Variants in PKP4 observed in about 807,000 individuals in gnomAD.
PKP4 encodes plakophilin-4.
In PKP4, 90 loss-of-function variants were observed where a neutral mutation model predicts 145.1. The ratio of observed to expected loss-of-function variants is 0.62; its 90% CI spans 0.52 to 0.74. The LOEUF is 0.74. Among genes scored for constraint, PKP4 ranks in the 30% least tolerant of loss-of-function variants. PKP4 has a pLI of 0.00. For missense variants in PKP4, 1,340 were observed against 1,482.7 expected, an observed-to-expected ratio of 0.90 and a Z score of 1.58; for synonymous variants, 563 against 577.2, an observed-to-expected ratio of 0.98 and a Z score of 0.35.
intron 1 of PKP4, among the ~76,000 whole-genome samples, chr2:158,495,042 C>A (rs572536747): frequency 9.6e-4 from 146 of 151,430 alleles, no homozygotes; most frequent in African/African-American, 3.3e-3. Flanking sequence ...CATAGTGAAA[C>A]CCCATCTCTA....
At chr2:158,531,947 C>A (rs1204539014) in intron 1 of PKP4, among the ~76,000 whole-genome samples, 1 of 152,194 alleles carries the variant, frequency 6.6e-6, no homozygotes, top group Non-Finnish European at 1.5e-5. Context: ...AAGAATAAAA[C>A]AACCACCAGC....
Position 158,634,108 on chromosome 2 carries a change from A to G in PKP4, c.1381A>G (p.Ser461Gly), listed in dbSNP as rs2053617310. 6.2e-7 allele frequency: 1 copy of G among 1,613,810 alleles called. No individual in the cohort carries two copies. Among genetic ancestry groups the G allele is most frequent in the Non-Finnish European group, 8.5e-7 (1 of 1,179,768 alleles). ...TCTACAAAGGACATCCAGCCAACGA[A>G]GTACCCTTACATACCAAAGAAATAA... ...GNLQRTSSQR[S>G]TLTYQRNNYA... is the part of the protein sequence containing the mutation. Residue 461 changes from serine (S) to glycine (G), a missense_variant, in exon 9 of 22, where the codon AGT becomes GGT. Transcript: ENST00000389759.
chr2:158,461,001 C>T (rs1317549018), intron 1 of PKP4, among the ~76,000 whole-genome samples: 1 of 152,152 alleles, frequency 6.6e-6, no homozygotes, highest in East Asian at 1.9e-4. Context: ...TGTAAGCTTT[C>T]ATTCTTACAT....
At chr2:158,580,267 G>A (rs1178626366) in intron 3 of PKP4, among the ~76,000 whole-genome samples, 1 of 152,140 alleles carries the variant, frequency 6.6e-6, no homozygotes, top group Non-Finnish European at 1.5e-5. Context: ...GTTTCTGTCA[G>A]TGACTTTTTT....
chr2:158,591,713 A>T (rs2049289460), intron 3 of PKP4, among the ~76,000 whole-genome samples: 1 of 152,086 alleles, frequency 6.6e-6, no homozygotes, highest in Non-Finnish European at 1.5e-5. Flanking sequence ...TCTTTTTGAA[A>T]ATTTAAATAA....
At chr2:158,665,297 A>G (rs1392589153) in intron 15 of PKP4, among the ~76,000 whole-genome samples, 3 of 152,214 alleles carry the variant, frequency 2.0e-5, no homozygotes, top group Admixed American at 6.5e-5. Context: ...TGCTTTGCCT[A>G]GTAACCAGTC....
intron 11 of PKP4, among the ~76,000 whole-genome samples, chr2:158,653,352 A>C (rs745686166): frequency 6.6e-6 from 1 of 152,238 alleles, no homozygotes; most frequent in African/African-American, 2.4e-5. Flanking sequence ...TCAGTTCGCC[A>C]TTAGAATAGC....
intron 1 of PKP4, among the ~76,000 whole-genome samples, chr2:158,511,587 G>A (rs375239814): frequency 1.2e-4 from 19 of 152,066 alleles, no homozygotes; most frequent in African/African-American, 4.6e-4. Context: ...TTTAACTGAT[G>A]TACTATATTT....
intron 1 of PKP4, among the ~76,000 whole-genome samples, chr2:158,473,243 A>G (rs1334278709): frequency 6.6e-6 from 1 of 152,240 alleles, no homozygotes; most frequent in Non-Finnish European, 1.5e-5. Context: ...TGTGGAAAGC[A>G]GTATGGTGAT....
chr2:158,577,776 T>A (rs1424014788), intron 3 of PKP4, among the ~76,000 whole-genome samples: 1 of 152,194 alleles, frequency 6.6e-6, no homozygotes, highest in Non-Finnish European at 1.5e-5. Flanking sequence ...ACTTTAAAAA[T>A]GTCTTCAATT....
chr2:158,625,262 C>G lies in PKP4; in HGVS notation c.988C>G (p.Gln330Glu), dbSNP rs764352951. 1 of 1,614,228 alleles carries G rather than the reference C, an allele frequency of 6.2e-7. No homozygotes were observed. Among genetic ancestry groups the G allele is most frequent in the South Asian group, 1.1e-5 (1 of 91,084 alleles). ...ACAGACTCGAGTAGCTTCCCCATCC[C>G]AAGGCCAGGTGGGGTCGTCGTCCCC... ...DAQTRVASPS[Q>E]GQVGSSSPKR... is the part of the protein sequence containing the mutation. Residue 330 changes from glutamine (Q) to glutamate (E), a missense_variant, in exon 7 of 22, where the codon CAA becomes GAA. Coordinates refer to ENST00000389759, the MANE Select transcript of PKP4 (RefSeq NM_003628.6).
chr2:158,568,339 C>T (rs527496993), intron 2 of PKP4, among the ~76,000 whole-genome samples: 4 of 152,048 alleles, frequency 2.6e-5, no homozygotes, highest in East Asian at 1.9e-4. Flanking sequence ...ACTCCATCTA[C>T]GAAAGAAAGA....
chr2:158,577,155 C>T, intron 2 of PKP4, 116 bp from the exon 3 acceptor site: 1 of 577,334 alleles, frequency 1.7e-6, no homozygotes, highest in Non-Finnish European at 3.0e-6. Flanking sequence ...AAAGCCACAC[C>T]ATAGCTTTAT....
chr2:158,556,279 T>C (rs1230686871), intron 2 of PKP4, among the ~76,000 whole-genome samples: 1 of 152,210 alleles, frequency 6.6e-6, no homozygotes, highest in African/African-American at 2.4e-5. Context: ...TGGCTTACAA[T>C]TTAGTTTAAC....
At chr2:158,525,811 G>T (rs917988286) in intron 1 of PKP4, among the ~76,000 whole-genome samples, 49 of 144,814 alleles carry the variant, frequency 3.4e-4, no homozygotes, top group Admixed American at 9.0e-4. Context: ...TATCACCACC[G>T]ATCCCACAGA....
At chr2:158,482,439 G>T (rs570275788) in intron 1 of PKP4, among the ~76,000 whole-genome samples, 7 of 152,164 alleles carry the variant, frequency 4.6e-5, no homozygotes, top group African/African-American at 1.7e-4. Context: ...ACATACCACC[G>T]CACCTGGTTT....
At chr2:158,499,878 A>G (rs1218462633) in intron 1 of PKP4, among the ~76,000 whole-genome samples, 1 of 152,224 alleles carries the variant, frequency 6.6e-6, no homozygotes, top group Non-Finnish European at 1.5e-5. Flanking sequence ...AGAGAACAGG[A>G]TGCATGAATT....
intron 17 of PKP4, among the ~76,000 whole-genome samples, chr2:158,672,715 CT>C (rs1292492927): frequency 6.6e-6 from 1 of 152,200 alleles, no homozygotes; most frequent in Non-Finnish European, 1.5e-5. Flanking sequence ...AGTGGGTTGG[CT>C]TTACCTGGCT....
intron 3 of PKP4, among the ~76,000 whole-genome samples, chr2:158,593,682 C>T (rs3771636): frequency 0.2 from 30,369 of 152,152 alleles, 3,895 homozygotes; most frequent in Middle Eastern, 0.36. Flanking sequence ...AAATAAGCAA[C>T]TTTCGCCTTC....
Sources: gnomAD v4.1 joint callset for allele counts (sites outside exome capture counted in the v4.1 genomes callset) on GRCh38, gnomAD v4.1.1 for gene constraint, MANE v1.5 for transcripts, NCBI Gene and HGNC (gene_info 2026-07-23, HGNC 2026-07-21) for gene names.